Variants in CDH4 observed in about 807,000 individuals in gnomAD.
CDH4 encodes the protein cadherin-4.
In CDH4, 33 loss-of-function variants were observed where a neutral mutation model predicts 86.0. The ratio of observed to expected loss-of-function variants is 0.38; its 90% confidence interval spans 0.29 to 0.51. CDH4 has a LOEUF of 0.51. CDH4 is among the 20% of genes least tolerant of loss of function. CDH4 has a pLI of 0.86. For missense variants in CDH4, 1,114 were observed against 1,307.4 expected (o/e 0.85, Z 2.28); for synonymous variants, 555 against 549.4 (o/e 1.01, Z -0.14).
intron 2 of CDH4, among the ~76,000 whole-genome samples, chr20:61,450,449 T>C (rs1274079042): frequency 6.6e-6 from 1 of 152,192 alleles, no homozygotes; most frequent in Non-Finnish European, 1.5e-5. Flanking sequence ...AGATGCTGTG[T>C]GATTTGCACC....
intron 2 of CDH4, among the ~76,000 whole-genome samples, chr20:61,458,300 T>C (rs1475144882): frequency 6.6e-6 from 1 of 150,716 alleles, no homozygotes; most frequent in African/African-American, 2.4e-5. Context: ...GGTGATGGTA[T>C]GACTGACACT....
chr20:61,348,066 TG>T (rs1395154070), intron 2 of CDH4, among the ~76,000 whole-genome samples: 9 of 152,230 alleles, frequency 5.9e-5, no homozygotes, highest in Admixed American at 5.9e-4. Flanking sequence ...CGCCCCATAA[TG>T]GTAAGCATTC....
At position 61,399,233 on chromosome 20, in the gene CDH4, C is replaced by T. The variant is rs1158399843; in HGVS notation, c.169+144296C>T. 4.1e-5 allele frequency among the ~76,000 whole-genome samples: 3 copies of T among 72,952 alleles called. 1 individual carries two copies. The highest frequency in any genetic ancestry group is 7.9e-5 in the Non-Finnish European group (3 of 38,168). 47.9% of individuals were successfully genotyped at this position (72,952 alleles called of 152,430 possible). A position where few individuals can be genotyped will look rare whatever the true frequency, so the allele number is the denominator to read the frequency against. On this transcript the variant is annotated intron_variant, in intron 2 of 15. Transcript: ENST00000614565. ...CTGCAAGCTCCGCTTCCCGGGTTCA[C>T]GCCATTCTCCTGCCTCAGCCTCCCG...
intron 2 of CDH4, among the ~76,000 whole-genome samples, chr20:61,595,052 G>A (rs572588018): frequency 1.3e-5 from 2 of 152,336 alleles, no homozygotes; most frequent in South Asian, 2.1e-4. Context: ...TCATTAGCTC[G>A]TGTTGCACAG....
chr20:61,898,009 A>G (rs142930517), intron 8 of CDH4, among the ~76,000 whole-genome samples: 8 of 152,184 alleles, frequency 5.3e-5, no homozygotes, highest in African/African-American at 1.9e-4. Flanking sequence ...GGTTCCCTCC[A>G]CCCTGCGGTG....
Position 61,923,859 on chromosome 20 carries a change from G to A in CDH4, c.1628+155G>A, listed in dbSNP as rs147020379. Among the ~76,000 whole-genome samples, 944 of 152,280 alleles carry A rather than the reference G, an allele frequency of 6.2e-3. 8 individuals are homozygous for A. The highest frequency in any genetic ancestry group is 0.019 in the African/African-American group (796 of 41,556). On this transcript the variant is annotated intron_variant, in intron 10 of 15. Transcript: ENST00000614565. Reference sequence around the variant, plus strand: ...TAAGGCGTCCTTCCAGGAGGGAGCCGCAGCCCCTTAGTCCCAGATAGCCAG... The same window carrying A: ...TAAGGCGTCCTTCCAGGAGGGAGCCACAGCCCCTTAGTCCCAGATAGCCAG...
rs968630751 is a variant in CDH4 at position 61,709,591 on chromosome 20, T to A, written c.170-33972T>A. ...GTGCCTGGCAATTTTTGAATGACAATTTTTTTTTTTTTATCGCTGGCTAAT... is the reference window on the plus strand; with the variant it reads ...GTGCCTGGCAATTTTTGAATGACAAATTTTTTTTTTTTATCGCTGGCTAAT... On this transcript the variant is annotated intron_variant, in intron 2 of 15. Coordinates refer to ENST00000614565, the MANE Select transcript of CDH4 (RefSeq NM_001794.5). This position sits in a 1 kb window ranked among gnomAD's most constrained non-coding sequence, Gnocchi z 4.8. Among the ~76,000 whole-genome samples, 3 of 62,532 alleles carry A rather than the reference T, an allele frequency of 4.8e-5. No individual in the cohort carries two copies. Among genetic ancestry groups the A allele is most frequent in the Non-Finnish European group, 1.6e-4 (3 of 18,360 alleles). The allele number at this position is 62,532 out of a possible 152,430, so 41.0% of individuals were successfully genotyped here.
intron 2 of CDH4, among the ~76,000 whole-genome samples, chr20:61,334,402 G>T (rs142352814): frequency 1.1e-4 from 16 of 152,166 alleles, no homozygotes; most frequent in Admixed American, 4.6e-4. Flanking sequence ...GGTGCAGTGC[G>T]TCTGGTCTCT....
intron 2 of CDH4, among the ~76,000 whole-genome samples, chr20:61,540,593 C>T (rs1420205510): frequency 6.6e-6 from 1 of 152,146 alleles, no homozygotes; most frequent in Non-Finnish European, 1.5e-5. Context: ...CAGGAAGAAC[C>T]TGGTGGCTGG....
chr20:61,351,967 T>G (rs1370597187), intron 2 of CDH4, among the ~76,000 whole-genome samples: 2 of 152,158 alleles, frequency 1.3e-5, no homozygotes, highest in Non-Finnish European at 2.9e-5. Context: ...TCCACCCACC[T>G]CGGCCTCCCA....
At chr20:61,886,259 G>A (rs941197829) in intron 7 of CDH4, among the ~76,000 whole-genome samples, 25 of 152,220 alleles carry the variant, frequency 1.6e-4, no homozygotes, top group Admixed American at 6.5e-4. Flanking sequence ...CTGTGCAGCC[G>A]GCCAGCCGAT....
intron 2 of CDH4, among the ~76,000 whole-genome samples, chr20:61,431,236 C>T (rs1201697733): frequency 6.6e-6 from 1 of 152,196 alleles, no homozygotes; most frequent in African/African-American, 2.4e-5. Flanking sequence ...AACCCTGCCT[C>T]TCCCCACTAT....
At chr20:61,878,280 G>T (rs557902461) in intron 7 of CDH4, among the ~76,000 whole-genome samples, 1 of 152,198 alleles carries the variant, frequency 6.6e-6, no homozygotes, top group Non-Finnish European at 1.5e-5. Context: ...TCCCTGAGCT[G>T]CTCCCTCCCC....
In CDH4 at chr20:61,417,519, C is replaced by T. The variant is rs1363790539; in HGVS notation, c.169+162582C>T. 1.3e-5 allele frequency among the ~76,000 whole-genome samples: 2 copies of T among 152,168 alleles called. No individual in the cohort carries two copies. On this transcript the variant is annotated intron_variant, in intron 2 of 15. Coordinates refer to ENST00000614565, the MANE Select transcript of CDH4 (RefSeq NM_001794.5). The surrounding 1 kb of genome is among the most constrained non-coding windows in gnomAD (Gnocchi z 4.0). The stretch of plus-strand genomic sequence containing the variant: ...AGTTGGGAGTTGGGAATCGGGCCAT[C>T]GGAACATCTCCCCTTCTGGGTTGAT...
intron 2 of CDH4, among the ~76,000 whole-genome samples, chr20:61,490,154 A>T (rs1021713181): frequency 6.6e-6 from 1 of 152,236 alleles, no homozygotes; most frequent in African/African-American, 2.4e-5. Context: ...GAAATGAAAG[A>T]CATTCAAGAG....
In CDH4 at chr20:61,512,591, G is replaced by A. The variant is rs573002793; in HGVS notation, c.170-230972G>A. Among the ~76,000 whole-genome samples, 39 of 152,328 alleles carry A rather than the reference G, an allele frequency of 2.6e-4. No individual in the cohort carries two copies. In the South Asian group the frequency reaches 7.9e-3, roughly 31 times the overall value. ...CATGGGAGGGAGATGAATGGGGCGA[G>A]GGGAAACATCATTTCATAAGTAGTC... On this transcript the variant is annotated intron_variant, in intron 2 of 15. Coordinates refer to ENST00000614565, the MANE Select transcript of CDH4 (RefSeq NM_001794.5).
In CDH4 at chr20:61,923,613, C is replaced by T. The variant is rs905882468; in HGVS notation, c.1537C>T (p.Leu513=). ...EAPYFPSNHK[L]IRLEEGVPPG... ...TCCCTACTTCCCCTCAAACCACAAG[C>T]TGATCCGCCTGGAGGAGGGCGTGCC... The change falls in exon 10 of 16, where the codon CTG becomes TTG. Residue 513 remains leucine (L), a synonymous_variant. Coordinates refer to ENST00000614565, the MANE Select transcript of CDH4 (RefSeq NM_001794.5). 8.7e-6 allele frequency: 14 copies of T among 1,614,022 alleles called. No homozygotes were observed. Among genetic ancestry groups the T allele is most frequent in the African/African-American group, 4.0e-5 (3 of 74,948 alleles).
At chr20:61,837,764 C>A (rs1055429072) in intron 4 of CDH4, among the ~76,000 whole-genome samples, 7 of 151,974 alleles carry the variant, frequency 4.6e-5, no homozygotes, top group Admixed American at 1.3e-4. Flanking sequence ...ACAGAGCACC[C>A]CCCCCGTGGG....
rs1184257880 is a variant in CDH4, at chr20:61,516,659, G to A, written c.170-226904G>A. On this transcript the variant is annotated intron_variant, in intron 2 of 15. Coordinates refer to ENST00000614565, the MANE Select transcript of CDH4 (RefSeq NM_001794.5). The surrounding 1 kb of genome is among the most constrained non-coding windows in gnomAD (Gnocchi z 4.0). ...AAGCAAAGTATCAGACCCTCAGAGA[G>A]GCCGGATTGATTGTAATAGCACAGG... Among the ~76,000 whole-genome samples, 1 of 152,184 alleles carries A rather than the reference G, an allele frequency of 6.6e-6. No individual in the cohort carries two copies. Among genetic ancestry groups the A allele is most frequent in the Non-Finnish European group, 1.5e-5 (1 of 68,034 alleles).
Sources: gnomAD v4.1 joint callset for allele counts (sites outside exome capture counted in the v4.1 genomes callset) on GRCh38, gnomAD v4.1.1 for gene constraint, Gnocchi (gnomAD v3.1) non-coding constraint, MANE v1.5 for transcripts, NCBI Gene and HGNC (gene_info 2026-07-23, HGNC 2026-07-21) for gene names.